Variants in KYNU observed in about 807,000 individuals in gnomAD.
KYNU encodes kynureninase, also known as L-kynurenine hydrolase.
KYNU carries 54 observed loss-of-function variants against 59.2 expected under a neutral mutation model. The ratio of observed to expected loss-of-function variants is 0.91; its 90% confidence interval spans 0.73 to 1.14. The LOEUF (loss-of-function observed/expected upper bound fraction) is 1.14. KYNU is among the 50% of genes most tolerant of loss of function. The pLI is 0.00. For missense variants in KYNU, 567 were observed against 554.4 expected (o/e 1.02, Z -0.23); for synonymous variants, 177 against 192.0 (o/e 0.92, Z 0.65).
intron 4 of KYNU, among the ~76,000 whole-genome samples, chr2:142,939,276 T>C (rs1013344694): frequency 8.5e-5 from 13 of 152,136 alleles, no homozygotes; most frequent in Non-Finnish European, 1.8e-4. Flanking sequence ...TGTGCGACTA[T>C]GTTGTAGATC....
chr2:142,878,945 A>T (rs1681194840), intron 1 of KYNU, among the ~76,000 whole-genome samples: 1 of 152,226 alleles, frequency 6.6e-6, no homozygotes, highest in African/African-American at 2.4e-5. Context: ...CAGTTAGGTG[A>T]TTTGTCTGAG....
At chr2:142,903,916 C>T (rs1162498252) in intron 2 of KYNU, among the ~76,000 whole-genome samples, 1 of 152,172 alleles carries the variant, frequency 6.6e-6, no homozygotes, top group Non-Finnish European at 1.5e-5. Context: ...TGTTCCAGAG[C>T]CTCCGAAGTC....
At chr2:142,932,085 G>A (rs10179354) in intron 4 of KYNU, among the ~76,000 whole-genome samples, 53,298 of 151,982 alleles carry the variant, frequency 0.35, 9,830 homozygotes, top group South Asian at 0.54. Context: ...AAAAGGTAGC[G>A]GCCAGAGGGA....
intron 4 of KYNU, among the ~76,000 whole-genome samples, chr2:142,950,606 G>A (rs1207328803): frequency 2.6e-5 from 4 of 152,116 alleles, no homozygotes; most frequent in African/African-American, 7.2e-5. Flanking sequence ...CCATGATTAC[G>A]TCCCGCCAGG....
Position 143,053,886 on chromosome 2 carries a change from G to A in KYNU, c.*11714G>A, listed in dbSNP as rs545944928. 2 of 152,370 alleles carry A rather than the reference G, an allele frequency of 1.3e-5. No homozygotes were observed. The highest frequency in any genetic ancestry group is 1.9e-4 in the East Asian group (1 of 5,182). The allele number at this position is 152,370 out of a possible 1,614,324, so 9.4% of individuals were successfully genotyped here. A position where few individuals can be genotyped will look rare whatever the true frequency, so the allele number is the denominator to read the frequency against. On this transcript the variant is annotated 3_prime_UTR_variant, in exon 14 of 14. Coordinates refer to ENST00000264170, the MANE Select transcript of KYNU (RefSeq NM_003937.3). Reference sequence around the variant, plus strand: ...CGTTGGAAGTGGGGTTGTGGGGGCAGTCTTGTGGAACTGAGCCCTTAACCT... The same window carrying A: ...CGTTGGAAGTGGGGTTGTGGGGGCAATCTTGTGGAACTGAGCCCTTAACCT...
chr2:142,905,494 G>A (rs1682261395), intron 2 of KYNU, among the ~76,000 whole-genome samples: 1 of 152,184 alleles, frequency 6.6e-6, no homozygotes, highest in South Asian at 2.1e-4. Context: ...CCTTTGTATG[G>A]TAATTAAGAT....
chr2:142,883,340 G>A (rs1455218404), intron 1 of KYNU, among the ~76,000 whole-genome samples: 5 of 151,032 alleles, frequency 3.3e-5, no homozygotes, highest in African/African-American at 9.7e-5. Context: ...GACTACAGGC[G>A]CCCGCCACCT....
At chr2:143,019,345 G>T (rs533555543) in intron 10 of KYNU, among the ~76,000 whole-genome samples, 1 of 152,186 alleles carries the variant, frequency 6.6e-6, no homozygotes, top group African/African-American at 2.4e-5. Flanking sequence ...TATTATGAAG[G>T]TATGTTGAAT....
intron 3 of KYNU, among the ~76,000 whole-genome samples, chr2:142,921,857 CATGT>C (rs780245709): frequency 1.8e-4 from 25 of 142,378 alleles, no homozygotes; most frequent in Admixed American, 7.1e-4. Context: ...TACATACATA[CATGT>C]AGTCTTCATG....
intron 2 of KYNU, among the ~76,000 whole-genome samples, chr2:142,898,735 G>A (rs932442075): frequency 1.3e-5 from 2 of 152,196 alleles, no homozygotes; most frequent in African/African-American, 4.8e-5. Flanking sequence ...CCGCTCCCAA[G>A]ATGGCAGCAA....
intron 10 of KYNU, among the ~76,000 whole-genome samples, chr2:143,000,741 C>T (rs554592502): frequency 3.9e-5 from 6 of 152,240 alleles, no homozygotes; most frequent in East Asian, 3.9e-4. Flanking sequence ...AACTGGGCTT[C>T]GGGTTACAGC....
chr2:142,982,722 C>CT (rs1225661065), intron 8 of KYNU, among the ~76,000 whole-genome samples: 1 of 152,026 alleles, frequency 6.6e-6, no homozygotes, highest in Non-Finnish European at 1.5e-5. Flanking sequence ...GATAAGAATA[C>CT]TTTTTAAAAA....
intron 3 of KYNU, among the ~76,000 whole-genome samples, chr2:142,922,467 C>T (rs1160487946): frequency 2.0e-5 from 3 of 152,174 alleles, no homozygotes; most frequent in Non-Finnish European, 2.9e-5. Flanking sequence ...GATTGTGACA[C>T]TGCACTCCAG....
At chr2:142,925,790 C>G (rs1683030227) in intron 3 of KYNU, among the ~76,000 whole-genome samples, 1 of 152,050 alleles carries the variant, frequency 6.6e-6, no homozygotes, top group African/African-American at 2.4e-5. Flanking sequence ...GTCTTACCAC[C>G]CCTTTTAGGG....
intron 13 of KYNU, among the ~76,000 whole-genome samples, chr2:143,040,927 G>GA (rs1490124152): frequency 6.6e-6 from 1 of 151,990 alleles, no homozygotes; most frequent in Non-Finnish European, 1.5e-5. Flanking sequence ...AGTTTGGGCA[G>GA]AAAAAAGTTA....
intron 8 of KYNU, among the ~76,000 whole-genome samples, chr2:142,961,192 CA>C (rs71404458): frequency 1.1e-3 from 119 of 110,456 alleles, no homozygotes; most frequent in Admixed American, 1.2e-3. Context: ...GACTCCATCT[CA>C]AAAAAAAAAA....
chr2:142,978,506 G>T (rs71423229), intron 8 of KYNU, among the ~76,000 whole-genome samples: 15 of 152,076 alleles, frequency 9.9e-5, no homozygotes, highest in Non-Finnish European at 2.1e-4. Flanking sequence ...CTATTAGAAG[G>T]TACTGATAGT....
intron 1 of KYNU, among the ~76,000 whole-genome samples, chr2:142,880,072 G>A (rs1376029025): frequency 6.6e-6 from 1 of 152,162 alleles, no homozygotes; most frequent in African/African-American, 2.4e-5. Flanking sequence ...ATGTCATTAT[G>A]TCAAATAATT....
intron 8 of KYNU, among the ~76,000 whole-genome samples, chr2:142,963,504 A>G (rs1684421870): frequency 6.6e-6 from 1 of 152,152 alleles, no homozygotes; most frequent in African/African-American, 2.4e-5. Flanking sequence ...CCTTCCTCAC[A>G]TGGCAGAAGG....
Sources: gnomAD v4.1 joint callset for allele counts (sites outside exome capture counted in the v4.1 genomes callset) on GRCh38, gnomAD v4.1.1 for gene constraint, MANE v1.5 for transcripts, NCBI Gene and HGNC (gene_info 2026-07-23, HGNC 2026-07-21) for gene names.